The following UGT1A8 variants were observed in gnomAD, a reference collection of about 807,000 sequenced individuals.
UGT1A8 encodes the protein UDP-glucuronosyltransferase 1A8.
UGT1A8 carries 39 observed loss-of-function variants against 45.3 expected under a neutral mutation model. The observed-to-expected ratio is 0.86, with a 90% CI of 0.67 to 1.12. The LOEUF is 1.12. Ranked by LOEUF, UGT1A8 falls within the 50% of genes most tolerant of loss-of-function variation. UGT1A8 has a pLI of 0.00. For synonymous variants in UGT1A8, 275 were observed against 249.2 expected (o/e 1.10, Z -0.97); for missense variants, 719 against 664.9 (o/e 1.08, Z -0.90).
chr2:233,725,428 A>G (rs1391321502), intron 1 of UGT1A8, among the ~76,000 whole-genome samples: 1 of 151,952 alleles, frequency 6.6e-6, no homozygotes, highest in Non-Finnish European at 1.5e-5. Flanking sequence ...CAATAGAAAT[A>G]TAATGTAAGC....
intron 1 of UGT1A8, among the ~76,000 whole-genome samples, chr2:233,624,057 C>A (rs2073055494): frequency 6.6e-6 from 1 of 152,088 alleles, no homozygotes; most frequent in African/African-American, 2.4e-5. Context: ...TCTTATCTAC[C>A]CTGTACCCGG....
intron 1 of UGT1A8, chr2:233,713,148 G>T: frequency 6.2e-7 from 1 of 1,614,254 alleles, no homozygotes; most frequent in Non-Finnish European, 8.5e-7. Context: ...GGACCTCCAT[G>T]CGAGAGGCCA....
chr2:233,636,304 T>C (rs527794037), intron 1 of UGT1A8: 1 of 789,296 alleles, frequency 1.3e-6, no homozygotes, highest in Admixed American at 3.4e-5. Context: ...CATAATCTAC[T>C]CTTGTCTGGA....
At chr2:233,743,600 C>T in intron 1 of UGT1A8, 3 of 1,367,332 alleles carry the variant, frequency 2.2e-6, no homozygotes, top group Non-Finnish European at 2.9e-6. Flanking sequence ...TGGGTCCTGG[C>T]CGCCGAAGAA....
chr2:233,680,696 T>C (rs950458533), intron 1 of UGT1A8, among the ~76,000 whole-genome samples: 2 of 152,096 alleles, frequency 1.3e-5, no homozygotes, highest in Admixed American at 1.3e-4. Context: ...TGAAAACAGG[T>C]AGAAGATGTA....
chr2:233,685,482 G>C (rs2125532234), intron 1 of UGT1A8, among the ~76,000 whole-genome samples: 1 of 152,290 alleles, frequency 6.6e-6, no homozygotes, highest in South Asian at 2.1e-4. Context: ...TGGAGAACTG[G>C]GACTGGGATG....
chr2:233,724,557 GAT>G (rs2077281527), intron 1 of UGT1A8, among the ~76,000 whole-genome samples: 1 of 126,690 alleles, frequency 7.9e-6, no homozygotes, highest in Non-Finnish European at 1.7e-5. Flanking sequence ...TCACATCCCA[GAT>G]GGGGCGGCGG....
intron 1 of UGT1A8, among the ~76,000 whole-genome samples, chr2:233,703,618 AT>A (rs2075745853): frequency 6.6e-6 from 1 of 151,894 alleles, no homozygotes; most frequent in South Asian, 2.1e-4. Flanking sequence ...AAAAAAGTCT[AT>A]TTTATCTGAT....
intron 1 of UGT1A8, among the ~76,000 whole-genome samples, chr2:233,695,366 C>G (rs184636578): frequency 4.0e-5 from 6 of 151,744 alleles, no homozygotes; most frequent in Non-Finnish European, 2.9e-5. Flanking sequence ...CCTCGTGGTC[C>G]GCCCACCCCA....
chr2:233,768,228 A>G lies in UGT1A8; in HGVS notation c.1084A>G (p.Met362Val), dbSNP rs367784507. 6.8e-6 allele frequency: 11 copies of G among 1,614,094 alleles called. No individual in the cohort carries two copies. Among genetic ancestry groups the G allele is most frequent in the Non-Finnish European group, 9.3e-6 (11 of 1,180,048 alleles). Residue 362 changes from methionine (M) to valine (V), a missense_variant, in exon 4 of 5, where the codon ATG becomes GTG. Physicochemically the swap from Met to Val is conservative, Grantham distance 21. Coordinates refer to ENST00000373450, the MANE Select transcript of UGT1A8 (RefSeq NM_019076.5). ...CCTATTTTGCATCTCAGGTCACCCG[A>G]TGACCCGTGCCTTTATCACCCATGC... ...LPQNDLLGHP[M>V]TRAFITHAGS...
chr2:233,648,758 C>T, intron 1 of UGT1A8: 1 of 697,006 alleles, frequency 1.4e-6, no homozygotes, highest in Non-Finnish European at 2.3e-6. Context: ...GCCACCACAC[C>T]CAGCCTGGAT....
intron 1 of UGT1A8, chr2:233,755,115 G>A: frequency 1.5e-6 from 2 of 1,331,678 alleles, no homozygotes; most frequent in Non-Finnish European, 2.0e-6. Context: ...CACCTCGTAG[G>A]CCTCAGCCAC....
In UGT1A8 at chr2:233,769,240, G is replaced by A. The variant is rs1056982803; in HGVS notation, c.1295+801G>A. The stretch of plus-strand genomic sequence containing the variant: ...TTAGAATAAGAGCAAAGGAAAATTT[G>A]CTCAAATGTGGCCCTGAAAACGATT... On this transcript the variant is annotated intron_variant, in intron 4 of 4. Transcript: ENST00000373450. This position sits in a 1 kb window ranked among gnomAD's most constrained non-coding sequence, Gnocchi z 4.4. 6.6e-6 allele frequency among the ~76,000 whole-genome samples: 1 copy of A among 152,196 alleles called. No individual in the cohort carries two copies. The highest frequency in any genetic ancestry group is 6.5e-5 in the Admixed American group (1 of 15,280).
chr2:233,617,844 A>G lies in UGT1A8; in HGVS notation c.137A>G (p.Glu46Gly), dbSNP rs376692776. Residue 46 changes from glutamate (E) to glycine (G), a missense_variant, in exon 1 of 5, where the codon GAG becomes GGG. Glu to Gly is a moderately conservative substitution (Grantham distance 98). Transcript: ENST00000373450. Reference protein sequence around the residue: ...SHWFTMQSVVEKLILRGHEVV... With the variant: ...SHWFTMQSVVGKLILRGHEVV... The stretch of plus-strand genomic sequence containing the variant: ...TGGTTCACCATGCAGTCGGTGGTGG[A>G]GAAACTTATCCTCAGGGGGCATGAG... The G allele has an allele frequency of 9.3e-6, 15 of 1,614,036 alleles. No homozygotes were observed. Among genetic ancestry groups the G allele is most frequent in the Middle Eastern group, 1.7e-4 (1 of 6,060 alleles).
At chr2:233,655,744 G>C (rs2073840150) in intron 1 of UGT1A8, among the ~76,000 whole-genome samples, 2 of 152,118 alleles carry the variant, frequency 1.3e-5, no homozygotes. Context: ...CCTGTCCCTG[G>C]AGGTTCACAG....
chr2:233,643,713 G>A (rs1235784238), intron 1 of UGT1A8, among the ~76,000 whole-genome samples: 2 of 152,140 alleles, frequency 1.3e-5, no homozygotes, highest in Non-Finnish European at 2.9e-5. Flanking sequence ...GACGTAGTAC[G>A]AGGTTTCACT....
At chr2:233,637,137 G>A in intron 1 of UGT1A8, 1 of 1,613,962 alleles carries the variant, frequency 6.2e-7, no homozygotes, top group Non-Finnish European at 8.5e-7. Context: ...CTTTCAAGGA[G>A]AGAGTATGGA....
intron 1 of UGT1A8, among the ~76,000 whole-genome samples, chr2:233,684,354 T>C (rs1407192831): frequency 5.9e-5 from 9 of 152,156 alleles, no homozygotes; most frequent in African/African-American, 1.9e-4. Flanking sequence ...TGTCAAAGTG[T>C]CTCTCCCCTG....
intron 1 of UGT1A8, among the ~76,000 whole-genome samples, chr2:233,645,650 A>G (rs1175470843): frequency 6.6e-6 from 1 of 152,218 alleles, no homozygotes; most frequent in East Asian, 1.9e-4. Context: ...AAGCTCCAAA[A>G]TGATCTCCTT....
Sources: gnomAD v4.1 joint callset for allele counts (sites outside exome capture counted in the v4.1 genomes callset) on GRCh38, gnomAD v4.1.1 for gene constraint, Gnocchi (gnomAD v3.1) non-coding constraint, MANE v1.5 for transcripts, NCBI Gene and HGNC (gene_info 2026-07-23, HGNC 2026-07-21) for gene names.